Variants in DCUN1D1 observed in about 807,000 individuals in gnomAD.
DCUN1D1 encodes defective in cullin neddylation 1 domain containing 1.
In DCUN1D1, 3 loss-of-function variants were observed where a neutral mutation model predicts 39.0. The ratio of observed to expected loss-of-function variants is 0.08; its 90% CI spans 0.04 to 0.20. The LOEUF (loss-of-function observed/expected upper bound fraction) is 0.20. Among genes scored for constraint, DCUN1D1 ranks in the 10% least tolerant of loss-of-function variants. The pLI is 1.00. For synonymous variants in DCUN1D1, 82 were observed against 96.3 expected, an observed-to-expected ratio of 0.85 and a Z score of 0.87; for missense variants, 158 against 302.4, an observed-to-expected ratio of 0.52 and a Z score of 3.54.
Position 182,938,610 on chromosome 3 carries a change from G to A in DCUN1D1, c.*6484C>T, listed in dbSNP as rs1272526943. ...CCATGGATTGATCATGTTAACATGA[G>A]TTCATTATGCAATTGTCCTTTTACA... is the stretch of plus-strand genomic sequence containing the variant. On this transcript the variant is annotated 3_prime_UTR_variant, in exon 7 of 7. Coordinates refer to ENST00000292782, the MANE Select transcript of DCUN1D1 (RefSeq NM_020640.4). The A allele has an allele frequency of 6.6e-6, 1 of 152,158 alleles. No homozygotes were observed. The highest frequency in any genetic ancestry group is 2.4e-5 in the African/African-American group (1 of 41,424). 9.4% of individuals were successfully genotyped at this position (152,158 alleles called of 1,614,324 possible). A position where few individuals can be genotyped will look rare whatever the true frequency, so the allele number is the denominator to read the frequency against.
At chr3:182,972,816 G>A (rs958845825) in intron 1 of DCUN1D1, among the ~76,000 whole-genome samples, 18 of 152,294 alleles carry the variant, frequency 1.2e-4, no homozygotes, top group African/African-American at 3.6e-4. Context: ...CAAGAGGGGG[G>A]CGGATCACCT....
chr3:182,947,972 C>T (rs1198503144), intron 4 of DCUN1D1, among the ~76,000 whole-genome samples: 1 of 152,162 alleles, frequency 6.6e-6, no homozygotes, highest in Non-Finnish European at 1.5e-5. Flanking sequence ...TGGGCACTTC[C>T]AACATTTTAG....
chr3:182,951,657 CAAAA>C (rs1289143955), intron 4 of DCUN1D1, among the ~76,000 whole-genome samples: 3 of 118,308 alleles, frequency 2.5e-5, no homozygotes, highest in South Asian at 3.0e-4. Flanking sequence ...CCACCACACA[CAAAA>C]GAAAGAAAGT....
chr3:182,979,608 C>G (rs369067718), intron 1 of DCUN1D1, among the ~76,000 whole-genome samples: 1 of 148,312 alleles, frequency 6.7e-6, no homozygotes, highest in Admixed American at 6.7e-5. Flanking sequence ...TTTCCCCCCC[C>G]CAAACAAAAA....
At chr3:182,951,966 G>A (rs1726776883) in intron 4 of DCUN1D1, among the ~76,000 whole-genome samples, 1 of 152,068 alleles carries the variant, frequency 6.6e-6, no homozygotes, top group Non-Finnish European at 1.5e-5. Flanking sequence ...AAAGTGCTGG[G>A]ATTACAGGTG....
At position 182,961,327 on chromosome 3, in the gene DCUN1D1, T is replaced by C. The variant is rs989028585; in HGVS notation, c.419A>G (p.Gln140Arg). 1 of 1,603,932 alleles carries C rather than the reference T, an allele frequency of 6.2e-7. No homozygotes were observed. The highest frequency in any genetic ancestry group is 1.7e-5 in the Admixed American group (1 of 57,932). Residue 140 changes from glutamine to arginine, a missense_variant, in exon 4 of 7, where the codon CAG (glutamine) becomes CGG (arginine). Coordinates refer to ENST00000292782, the MANE Select transcript of DCUN1D1 (RefSeq NM_020640.4). Reference protein sequence around the residue: ...GCDSIEKLKAQIPKMEQELKE... With the variant: ...GCDSIEKLKARIPKMEQELKE... ...CAATTCTTGTTCCATCTTGGGTATC[T>C]GGGCCTTTAGTTTTTCTATGCTGTC... is the stretch of plus-strand genomic sequence containing the variant.
chr3:182,980,510 TC>T lies in DCUN1D1; in HGVS notation c.-22del. The stretch of plus-strand genomic sequence containing the variant: ...ACCATGTTGGTGTCCTCCAGGCCTC[TC>T]CCCTCCTCCTCCGGCTCCGCAGCGA... On this transcript the variant is annotated 5_prime_UTR_variant, in exon 1 of 7. Coordinates refer to ENST00000292782, the MANE Select transcript of DCUN1D1 (RefSeq NM_020640.4). The T allele has an allele frequency of 8.1e-7, 1 of 1,239,152 alleles. No individual in the cohort carries two copies. Among genetic ancestry groups the T allele is most frequent in the Non-Finnish European group, 1.0e-6 (1 of 971,748 alleles). The allele number at this position is 1,239,152 out of a possible 1,614,324, so 76.8% of individuals were successfully genotyped here. A position where few individuals can be genotyped will look rare whatever the true frequency, so the allele number is the denominator to read the frequency against.
In DCUN1D1 at chr3:182,945,123, T is replaced by C; in HGVS notation, c.751A>G (p.Ile251Val). ...DDFVEFARPQ[I>V]AGTKSTTV Reference sequence around the variant, plus strand: ...ACTGTTGTACTTTTTGTCCCAGCAATTTGAGGGCGTGCAAATTCCACAAAG... The same window carrying C: ...ACTGTTGTACTTTTTGTCCCAGCAACTTGAGGGCGTGCAAATTCCACAAAG... Residue 251 changes from isoleucine to valine, a missense_variant, in exon 7 of 7, where the codon ATT becomes GTT. Around this residue, in one of 4 missense-constraint regions of DCUN1D1, gnomAD observed 14 missense variants for 48.0 expected, o/e 0.29. Coordinates refer to ENST00000292782, the MANE Select transcript of DCUN1D1 (RefSeq NM_020640.4). 6.2e-7 allele frequency: 1 copy of C among 1,613,264 alleles called. No homozygotes were observed. Among genetic ancestry groups the C allele is most frequent in the Non-Finnish European group, 8.5e-7 (1 of 1,179,846 alleles).
At chr3:182,958,714 A>T (rs1727222893) in intron 4 of DCUN1D1, among the ~76,000 whole-genome samples, 1 of 152,198 alleles carries the variant, frequency 6.6e-6, no homozygotes, top group African/African-American at 2.4e-5. Flanking sequence ...GAATAAACAC[A>T]CATAATTCTT....
chr3:182,967,128 C>CTA (rs60339329), intron 1 of DCUN1D1, among the ~76,000 whole-genome samples: 1,602 of 143,444 alleles, frequency 0.011, 12 homozygotes, highest in East Asian at 0.04. Context: ...AACAAAAAAA[C>CTA]TATATATATA....
At chr3:182,955,422 A>G in intron 4 of DCUN1D1, 2 of 541,098 alleles carry the variant, frequency 3.7e-6, no homozygotes, top group Non-Finnish European at 7.5e-6. Flanking sequence ...CATTTTGCGC[A>G]AACTTCAAGT....
chr3:182,976,242 T>C lies in DCUN1D1; in HGVS notation c.3+4245A>G, dbSNP rs543661797. On this transcript the variant is annotated intron_variant, in intron 1 of 6. Transcript: ENST00000292782. ...AAAACTGCTTTTAAAAATAATTATCTGTAATACTGTCACAGGACACTATGG... is the reference window on the plus strand; with the variant it reads ...AAAACTGCTTTTAAAAATAATTATCCGTAATACTGTCACAGGACACTATGG... 5.9e-5 allele frequency among the ~76,000 whole-genome samples: 9 copies of C among 152,172 alleles called. No homozygotes were observed. The South Asian group carries it at 1.7e-3, about 28-fold the overall frequency.
Position 182,980,530 on chromosome 3 carries a change from G to A in DCUN1D1, c.-41C>T, listed in dbSNP as rs770658327. The A allele has an allele frequency of 6.5e-6, 8 of 1,230,450 alleles. No homozygotes were observed. In the South Asian group the frequency reaches 9.8e-5, roughly 15 times the overall value. 76.2% of individuals were successfully genotyped at this position (1,230,450 alleles called of 1,614,324 possible). ...GCCTCTCCCCTCCTCCTCCGGCTCC[G>A]CAGCGAATGGACGGCGGCGGCGGCG... On this transcript the variant is annotated 5_prime_UTR_variant, in exon 1 of 7. Coordinates refer to ENST00000292782, the MANE Select transcript of DCUN1D1 (RefSeq NM_020640.4).
At chr3:182,984,570 C>T (rs1206533957), upstream of DCUN1D1, among the ~76,000 whole-genome samples, 1 of 151,934 alleles carries the variant, frequency 6.6e-6, no homozygotes, top group African/African-American at 2.4e-5. Context: ...AATTGCCTAT[C>T]TTGTCTATCT....
upstream of DCUN1D1, chr3:182,980,663 G>A (rs1728503031): frequency 2.4e-6 from 2 of 849,514 alleles, no homozygotes; most frequent in East Asian, 1.0e-4. Context: ...AGGGACGGAG[G>A]CAGGCGGAGG....
In DCUN1D1 at chr3:182,940,730, T is replaced by C. The variant is rs1726098527; in HGVS notation, c.*4364A>G. On this transcript the variant is annotated 3_prime_UTR_variant, in exon 7 of 7. Coordinates refer to ENST00000292782, the MANE Select transcript of DCUN1D1 (RefSeq NM_020640.4). ...AGTTACAGCTTCAAGACCAATGCTCTGAAGTATTACAAGCTACATTATGAT... is the reference window on the plus strand; with the variant it reads ...AGTTACAGCTTCAAGACCAATGCTCCGAAGTATTACAAGCTACATTATGAT... The C allele has an allele frequency of 6.6e-6, 1 of 152,142 alleles. No homozygotes were observed. The allele number at this position is 152,142 out of a possible 1,614,324, so 9.4% of individuals were successfully genotyped here.
intron 6 of DCUN1D1, among the ~76,000 whole-genome samples, chr3:182,946,020 G>A (rs1034277417): frequency 2.9e-4 from 44 of 151,962 alleles, no homozygotes; most frequent in Admixed American, 2.4e-3. Context: ...CCAGGACACC[G>A]AGATCACAGG....
rs532312848 is a variant in DCUN1D1 at position 182,940,197 on chromosome 3, T to C, written c.*4897A>G. On this transcript the variant is annotated 3_prime_UTR_variant, in exon 7 of 7. Coordinates refer to ENST00000292782, the MANE Select transcript of DCUN1D1 (RefSeq NM_020640.4). Reference sequence around the variant, plus strand: ...TTTTGTAAAAATCTCTTGCTTCGTATTGGGTATTGCCCAAGTTTTCCATCA... The same window carrying C: ...TTTTGTAAAAATCTCTTGCTTCGTACTGGGTATTGCCCAAGTTTTCCATCA... 4 of 152,342 alleles carry C rather than the reference T, an allele frequency of 2.6e-5. No individual in the cohort carries two copies. In the East Asian group the frequency reaches 7.7e-4, roughly 29 times the overall value. The allele number at this position is 152,342 out of a possible 1,614,324, so 9.4% of individuals were successfully genotyped here.
intron 1 of DCUN1D1, 38 bp downstream of exon 1, chr3:182,980,449 C>G (rs1199573722): frequency 1.8e-6 from 2 of 1,109,866 alleles, no homozygotes; most frequent in Non-Finnish European, 2.2e-6. Context: ...GCGCCGGCCC[C>G]CAGCCGGCAG....
Sources: gnomAD v4.1 joint callset for allele counts (sites outside exome capture counted in the v4.1 genomes callset) on GRCh38, gnomAD v4.1.1 for gene constraint, gnomAD v4.1.1 regional missense constraint, MANE v1.5 for transcripts, NCBI Gene and HGNC (gene_info 2026-07-23, HGNC 2026-07-21) for gene names.